The following PTPN14 variants were observed in gnomAD, a reference collection of about 807,000 sequenced individuals.
PTPN14 encodes the protein protein tyrosine phosphatase non-receptor type 14.
In PTPN14, 53 loss-of-function variants were observed where a neutral mutation model predicts 126.8. The ratio of observed to expected loss-of-function variants is 0.42; its 90% CI spans 0.34 to 0.53. The LOEUF (loss-of-function observed/expected upper bound fraction) is 0.53, where lower values mean the gene tolerates loss of function less well. Among genes scored for constraint, PTPN14 ranks in the 20% least tolerant of loss-of-function variants. PTPN14 has a pLI of 0.08. For synonymous variants in PTPN14, 630 were observed against 599.3 expected (o/e 1.05, Z -0.75); for missense variants, 1,257 against 1,552.9 (o/e 0.81, Z 3.20).
chr1:214,430,873 T>C (rs1659782241), intron 3 of PTPN14, among the ~76,000 whole-genome samples: 1 of 152,208 alleles, frequency 6.6e-6, no homozygotes, highest in Non-Finnish European at 1.5e-5. Context: ...GACCATCTAA[T>C]CTACCCAAAT....
chr1:214,490,975 AAAGG>A lies in PTPN14; in HGVS notation c.-154-26022_-154-26019del, dbSNP rs1321751965. On this transcript the variant is annotated intron_variant, in intron 1 of 18. Transcript: ENST00000366956. Reference sequence around the variant, plus strand: ...AAGAAAGGAAGGAAGGAAGGGAAGGAAAGGAAGGAAGGAAGGGAAGGAAAGGAAA... The same window carrying A: ...AAGAAAGGAAGGAAGGAAGGGAAGGAAAGGAAGGAAGGGAAGGAAAGGAAA... 2.7e-4 allele frequency among the ~76,000 whole-genome samples: 33 copies of A among 122,110 alleles called. 1 individual carries two copies. The South Asian group carries it at 6.0e-3, about 22-fold the overall frequency. 80.1% of individuals were successfully genotyped at this position (122,110 alleles called of 152,430 possible).
At chr1:214,489,057 A>C (rs140241039) in intron 1 of PTPN14, among the ~76,000 whole-genome samples, 1 of 152,342 alleles carries the variant, frequency 6.6e-6, no homozygotes, top group East Asian at 1.9e-4. Flanking sequence ...AGGTCCTTTA[A>C]GATCTGGGCC....
chr1:214,467,826 C>A (rs987178712), intron 1 of PTPN14, among the ~76,000 whole-genome samples: 27 of 152,112 alleles, frequency 1.8e-4, no homozygotes, highest in African/African-American at 6.5e-4. Flanking sequence ...ATTTTGATTT[C>A]TAAAAGACTT....
At chr1:214,432,527 G>A (rs140285674) in intron 3 of PTPN14, among the ~76,000 whole-genome samples, 420 of 152,286 alleles carry the variant, frequency 2.8e-3, no homozygotes, top group Non-Finnish European at 3.1e-3. Context: ...CAGCAACACA[G>A]TTCCATTTGT....
At chr1:214,392,328 A>T (rs1216659986) in intron 10 of PTPN14, among the ~76,000 whole-genome samples, 3 of 152,176 alleles carry the variant, frequency 2.0e-5, no homozygotes, top group Admixed American at 2.0e-4. Flanking sequence ...GAATTGAGAA[A>T]CAGAATTTCT....
intron 1 of PTPN14, chr1:214,482,961 G>C: frequency 6.2e-7 from 1 of 1,600,482 alleles, no homozygotes; most frequent in Non-Finnish European, 8.6e-7. Context: ...CTTACTTTGT[G>C]CATCAATTTG....
Position 214,464,561 on chromosome 1 carries a change from G to A in PTPN14, c.174+69C>T, listed in dbSNP as rs1660584135. 8 of 1,556,714 alleles carry A rather than the reference G, an allele frequency of 5.1e-6. No individual in the cohort carries two copies. The Admixed American group carries it at 8.8e-5, about 17-fold the overall frequency. On this transcript the variant is annotated intron_variant, in intron 2 of 18. Coordinates refer to ENST00000366956, the MANE Select transcript of PTPN14 (RefSeq NM_005401.5). Reference sequence around the variant, plus strand: ...CAAAAAACAGATGGCTGGTCCCTTCGGTGAGTTCTCCTTCACATACCCAAC... The same window carrying A: ...CAAAAAACAGATGGCTGGTCCCTTCAGTGAGTTCTCCTTCACATACCCAAC...
intron 4 of PTPN14, among the ~76,000 whole-genome samples, chr1:214,414,099 C>G (rs17022842): frequency 0.012 from 1,800 of 152,218 alleles, 46 homozygotes; most frequent in African/African-American, 0.04. Context: ...AGGCAAAAAA[C>G]AGCTATGTAA....
rs12239356 is a variant in PTPN14 at position 214,384,342 on chromosome 1, C to A, written c.1513G>T (p.Val505Phe). 9.7e-3 allele frequency: 15,662 copies of A among 1,614,026 alleles called. 1,178 individuals are homozygous for A. In the African/African-American group the frequency reaches 0.17, roughly 18 times the overall value. ...PYTVPYGPQG[V>F]YSNKLVSPSD... ...GGACTGACAAGTTTGTTGCTGTAGA[C>A]CCCCTGTGGCCCATAAGGGACAGTG... The change falls in exon 13 of 19, where the codon GTC (valine) becomes TTC (phenylalanine). Residue 505 changes from valine (V) to phenylalanine (F), a missense_variant. Val to Phe is a conservative substitution (Grantham distance 50, BLOSUM62 -1). Around this residue, in one of 3 missense-constraint regions of PTPN14, gnomAD observed 1,021 missense variants for 1,183.3 expected, o/e 0.86. Coordinates refer to ENST00000366956, the MANE Select transcript of PTPN14 (RefSeq NM_005401.5). The surrounding 1 kb of genome is among the most constrained non-coding windows in gnomAD (Gnocchi z 5.3).
At chr1:214,448,985 C>T (rs2102630431) in intron 3 of PTPN14, among the ~76,000 whole-genome samples, 1 of 151,072 alleles carries the variant, frequency 6.6e-6, no homozygotes, top group South Asian at 2.1e-4. Flanking sequence ...GCAGCTACTA[C>T]TGTGCCCTTG....
intron 10 of PTPN14, 80 bp downstream of exon 10, chr1:214,393,615 A>T: frequency 8.9e-7 from 1 of 1,117,972 alleles, no homozygotes; most frequent in South Asian, 1.4e-5. Flanking sequence ...GAATAGGAAA[A>T]GAGATCTACA....
intron 18 of PTPN14, among the ~76,000 whole-genome samples, chr1:214,361,324 TCCA>T (rs1657951078): frequency 2.0e-5 from 3 of 152,274 alleles, no homozygotes; most frequent in Middle Eastern, 3.4e-3. Context: ...CACCACCTCC[TCCA>T]CCACCACATC....
chr1:214,431,944 G>A lies in PTPN14; in HGVS notation c.345-17218C>T, dbSNP rs1571996280. Among the ~76,000 whole-genome samples the A allele has an allele frequency of 2.6e-5, 4 of 152,326 alleles. No individual in the cohort carries two copies. In the South Asian group the frequency reaches 8.3e-4, roughly 32 times the overall value. Reference sequence around the variant, plus strand: ...GCCTATAATCCTAGCACTTTGGGAGGCCAAGGCAGAAGGATTGCTTGAGCC... The same window carrying A: ...GCCTATAATCCTAGCACTTTGGGAGACCAAGGCAGAAGGATTGCTTGAGCC... On this transcript the variant is annotated intron_variant, in intron 3 of 18. Coordinates refer to ENST00000366956, the MANE Select transcript of PTPN14 (RefSeq NM_005401.5).
intron 3 of PTPN14, among the ~76,000 whole-genome samples, chr1:214,420,292 T>C (rs556320028): frequency 1.3e-5 from 2 of 152,362 alleles, no homozygotes; most frequent in African/African-American, 2.4e-5. Flanking sequence ...AAGAAAAGCA[T>C]GTGCATATAC....
intron 2 of PTPN14, among the ~76,000 whole-genome samples, chr1:214,454,342 C>G (rs993100839): frequency 6.6e-6 from 1 of 152,166 alleles, no homozygotes; most frequent in Non-Finnish European, 1.5e-5. Context: ...GCCACAGTAA[C>G]TGCATAAATG....
At chr1:214,365,309 A>G (rs1403094979) in intron 17 of PTPN14, among the ~76,000 whole-genome samples, 1 of 151,894 alleles carries the variant, frequency 6.6e-6, no homozygotes, top group African/African-American at 2.4e-5. Flanking sequence ...GGGTCATGAT[A>G]CCCCCCATGC....
intron 1 of PTPN14, among the ~76,000 whole-genome samples, chr1:214,469,054 C>T (rs1660699639): frequency 6.6e-6 from 1 of 152,132 alleles, no homozygotes; most frequent in Admixed American, 6.6e-5. Context: ...AGCCACAGAG[C>T]CATGCTTCTG....
chr1:214,395,272 C>G (rs1347800825), intron 8 of PTPN14, among the ~76,000 whole-genome samples: 2 of 152,148 alleles, frequency 1.3e-5, no homozygotes, highest in African/African-American at 4.8e-5. Context: ...TTCTCCCTCT[C>G]CCATTTTTTC....
chr1:214,530,189 T>A (rs1476130590), intron 1 of PTPN14: 4 of 151,246 alleles, frequency 2.6e-5, no homozygotes, highest in Non-Finnish European at 5.9e-5. Context: ...AAAAAAGGAA[T>A]GGAAGGAAAA....
Sources: allele counts gnomAD v4.1 joint callset (sites outside exome capture counted in the v4.1 genomes callset), GRCh38; gene constraint gnomAD v4.1.1; regional missense constraint gnomAD v4.1.1; non-coding constraint Gnocchi (gnomAD v3.1); transcripts MANE v1.5; gene names NCBI Gene and HGNC (gene_info 2026-07-23, HGNC 2026-07-21).